DIAPH1: variants seen among roughly 807,000 people sequenced by gnomAD.
DIAPH1 encodes the protein protein diaphanous homolog 1.
A neutral mutation model predicts 140.7 loss-of-function variants in DIAPH1; 46 were observed. The ratio of observed to expected loss-of-function variants is 0.33; its 90% CI spans 0.26 to 0.42. The LOEUF is 0.42. DIAPH1 is among the 10% of genes least tolerant of loss of function. The probability of loss-of-function intolerance (pLI) is 1.00; values close to 1 mark genes in which losing one functional copy is unlikely to be tolerated. For missense variants in DIAPH1, 1,310 were observed against 1,558.7 expected (o/e 0.84, Z 2.69); for synonymous variants, 565 against 551.6 (o/e 1.02, Z -0.34).
At chr5:141,534,619 A>G (rs533612232) in intron 18 of DIAPH1, 186 bp from the exon 19 acceptor site, 2 of 610,078 alleles carry the variant, frequency 3.3e-6, no homozygotes, top group South Asian at 2.0e-5. Context: ...CCCCAACTCT[A>G]ATAAATATCT....
chr5:141,542,202 G>A (rs529527832), intron 18 of DIAPH1, among the ~76,000 whole-genome samples: 1 of 152,208 alleles, frequency 6.6e-6, no homozygotes. Flanking sequence ...GGGAGGCCTT[G>A]GCAGGCGGAT....
At chr5:141,521,916 C>G (rs2099886610) in intron 27 of DIAPH1, among the ~76,000 whole-genome samples, 1 of 152,140 alleles carries the variant, frequency 6.6e-6, no homozygotes, top group African/African-American at 2.4e-5. Flanking sequence ...CATTCTAGTC[C>G]AACTCTCATT....
Position 141,556,847 on chromosome 5 carries a change from A to G in DIAPH1, c.2482+14581T>C, listed in dbSNP as rs568217505. ...GCTGGAATTACAGGCATGCGCCACC[A>G]GGCGGCCCGGCTAATTTTTGTATTT... On this transcript the variant is annotated intron_variant, in intron 18 of 27. Coordinates refer to ENST00000389054, the MANE Select transcript of DIAPH1 (RefSeq NM_005219.5). 2.0e-5 allele frequency among the ~76,000 whole-genome samples: 3 copies of G among 152,234 alleles called. 1 individual carries two copies. In the South Asian group the frequency reaches 6.2e-4, roughly 32 times the overall value.
chr5:141,610,758 C>A (rs1168975581), intron 1 of DIAPH1, among the ~76,000 whole-genome samples: 1 of 151,722 alleles, frequency 6.6e-6, no homozygotes. Context: ...CCTAGCGAGA[C>A]GTCATTTCTA....
rs184243363 is a variant in DIAPH1 at position 141,528,208 on chromosome 5, C to T, written c.3148+245G>A. Among the ~76,000 whole-genome samples the T allele has an allele frequency of 1.6e-3, 238 of 152,284 alleles. No homozygotes were observed. In the Middle Eastern group the frequency reaches 0.02, roughly 13 times the overall value. ...ATTAACCTAGACTAAAAACACCTGC[C>T]TTTCTAGCTGTTTTTTGGTGTTTGG... On this transcript the variant is annotated intron_variant, in intron 23 of 27. Coordinates refer to ENST00000389054, the MANE Select transcript of DIAPH1 (RefSeq NM_005219.5).
rs1355926412 is a variant in DIAPH1 at position 141,578,668 on chromosome 5, G to A, written c.934-43C>T. ...AGCAGCTATGTCAATGCTAACTCCT[G>A]GAGATCAAGAATCCATTTTCTTTAC... is the stretch of plus-strand genomic sequence containing the variant. On this transcript the variant is annotated intron_variant, in intron 9 of 27. Coordinates refer to ENST00000389054, the MANE Select transcript of DIAPH1 (RefSeq NM_005219.5). The A allele has an allele frequency of 7.0e-6, 10 of 1,438,328 alleles. No homozygotes were observed. In the South Asian group the frequency reaches 9.1e-5, roughly 13 times the overall value. 89.1% of individuals were successfully genotyped at this position (1,438,328 alleles called of 1,614,324 possible).
chr5:141,553,601 C>A (rs1329808819), intron 18 of DIAPH1, among the ~76,000 whole-genome samples: 1 of 151,976 alleles, frequency 6.6e-6, no homozygotes, highest in African/African-American at 2.4e-5. Context: ...CAAGATCACA[C>A]CACTGCACTC....
In DIAPH1 at chr5:141,528,737, C is replaced by A; in HGVS notation, c.2983G>T (p.Gly995Cys). The A allele has an allele frequency of 6.2e-7, 1 of 1,614,226 alleles. No individual in the cohort carries two copies. The highest frequency in any genetic ancestry group is 8.5e-7 in the Non-Finnish European group (1 of 1,180,040). ...AAGCTGATATTGAAGCCAAAAGCAC[C>A]AGCATTTCTGGAGCCAGCATTCATG... ...NYMNAGSRNAGAFGFNISFLC... is the reference protein window; with the variant it reads ...NYMNAGSRNACAFGFNISFLC... The change falls in exon 22 of 28, where the codon GGT (glycine) becomes TGT (cysteine). Residue 995 changes from glycine (G) to cysteine (C), a missense_variant. Coordinates refer to ENST00000389054, the MANE Select transcript of DIAPH1 (RefSeq NM_005219.5).
At chr5:141,542,082 GAT>G (rs2099890078) in intron 18 of DIAPH1, among the ~76,000 whole-genome samples, 1 of 152,108 alleles carries the variant, frequency 6.6e-6, no homozygotes, top group Non-Finnish European at 1.5e-5. Flanking sequence ...TACTCAAATG[GAT>G]ACAAGTACAT....
At chr5:141,560,310 T>TC (rs765933060) in intron 18 of DIAPH1, among the ~76,000 whole-genome samples, 14 of 152,216 alleles carry the variant, frequency 9.2e-5, no homozygotes, top group African/African-American at 3.4e-4. Context: ...ACACTGTCAG[T>TC]CACTGGAAGC....
At chr5:141,599,774 T>C (rs1445864901) in intron 1 of DIAPH1, among the ~76,000 whole-genome samples, 2 of 152,222 alleles carry the variant, frequency 1.3e-5, no homozygotes, top group African/African-American at 4.8e-5. Flanking sequence ...TCCCCCAAGA[T>C]TGCTAGCCTG....
intron 18 of DIAPH1, among the ~76,000 whole-genome samples, chr5:141,560,454 G>C (rs1331130605): frequency 1.3e-5 from 2 of 152,094 alleles, no homozygotes; most frequent in African/African-American, 4.8e-5. Context: ...AACAAGCAAA[G>C]GACATATTAA....
At chr5:141,545,542 G>A (rs2099890668) in intron 18 of DIAPH1, among the ~76,000 whole-genome samples, 1 of 152,258 alleles carries the variant, frequency 6.6e-6, no homozygotes, top group Admixed American at 6.5e-5. Context: ...TGCTTAGGAA[G>A]CTGAGGTAGG....
At chr5:141,533,929 G>T (rs548561670) in intron 19 of DIAPH1, among the ~76,000 whole-genome samples, 1 of 151,502 alleles carries the variant, frequency 6.6e-6, no homozygotes, top group East Asian at 1.9e-4. Flanking sequence ...TACTTGGGAG[G>T]CTGGGGTGGA....
At chr5:141,594,162 C>T (rs1253677470) in intron 1 of DIAPH1, among the ~76,000 whole-genome samples, 1 of 152,212 alleles carries the variant, frequency 6.6e-6, no homozygotes, top group Non-Finnish European at 1.5e-5. Context: ...CGAAGAGTTT[C>T]ACAGTTTCTT....
chr5:141,584,407 T>G (rs762441666), intron 3 of DIAPH1, among the ~76,000 whole-genome samples, 182 bp from the exon 4 acceptor site: 1 of 152,186 alleles, frequency 6.6e-6, no homozygotes, highest in Non-Finnish European at 1.5e-5. Context: ...AAGATAAGTA[T>G]AGTTAACATT....
chr5:141,527,721 A>AC (rs1562283643), intron 23 of DIAPH1, 24 bp from the exon 24 acceptor site: 3 of 1,542,102 alleles, frequency 1.9e-6, no homozygotes, highest in Admixed American at 4.0e-5. Context: ...AAAAAAAAAA[A>AC]ACCATAAAAA....
At chr5:141,617,575 G>C (rs189561299) in intron 1 of DIAPH1, among the ~76,000 whole-genome samples, 6 of 152,282 alleles carry the variant, frequency 3.9e-5, no homozygotes, top group Admixed American at 3.9e-4. Context: ...GTGGGACTAA[G>C]AGTTACAAGC....
chr5:141,612,730 A>G (rs751949331), intron 1 of DIAPH1, among the ~76,000 whole-genome samples: 1 of 152,226 alleles, frequency 6.6e-6, no homozygotes, highest in Non-Finnish European at 1.5e-5. Flanking sequence ...AAATGGTTTC[A>G]TGAATAAATA....
Sources: gnomAD v4.1 joint callset for allele counts (sites outside exome capture counted in the v4.1 genomes callset) on GRCh38, gnomAD v4.1.1 for gene constraint, MANE v1.5 for transcripts, NCBI Gene and HGNC (gene_info 2026-07-23, HGNC 2026-07-21) for gene names.